Variants in RUVBL1 observed in about 807,000 individuals in gnomAD.
RUVBL1 encodes RuvB like AAA ATPase 1.
In RUVBL1, 4 loss-of-function variants were observed where a neutral mutation model predicts 52.4. The ratio of observed to expected loss-of-function variants is 0.08; its 90% CI spans 0.04 to 0.17. RUVBL1 has a LOEUF of 0.17. RUVBL1 is among the 10% of genes least tolerant of loss of function. The pLI is 1.00. For synonymous variants in RUVBL1, 217 were observed against 214.4 expected (o/e 1.01, Z -0.10); for missense variants, 298 against 572.8 (o/e 0.52, Z 4.90).
Position 128,140,228 on chromosome 3 carries a change from G to GTTTTTTTTT in RUVBL1, c.-40+12974_-40+12975insAAAAAAAAA, listed in dbSNP as rs372296453. Among the ~76,000 whole-genome samples, 4 of 53,448 alleles carry GTTTTTTTTT rather than the reference G, an allele frequency of 7.5e-5. 2 individuals carry two copies. Among genetic ancestry groups the GTTTTTTTTT allele is most frequent in the African/African-American group, 1.8e-4 (4 of 21,634 alleles). The allele number at this position is 53,448 out of a possible 152,430, so 35.1% of individuals were successfully genotyped here. A position where few individuals can be genotyped will look rare whatever the true frequency, so the allele number is the denominator to read the frequency against. On this transcript the variant is annotated intron_variant, in intron 1 of 9. Transcript: ENST00000464873. ...TGATATGATACAAGTTTTTTTGTTT[G>GTTTTTTTTT]TTTGTTTTTTTTTTTTTTGAGACGG...
At chr3:128,129,520 C>CAAT (rs1439378876) in intron 1 of RUVBL1, among the ~76,000 whole-genome samples, 1 of 151,880 alleles carries the variant, frequency 6.6e-6, no homozygotes, top group Non-Finnish European at 1.5e-5. Flanking sequence ...ACAACAACAA[C>CAAT]AACAACAAAA....
At chr3:128,071,582 G>A (rs1227040155) in intron 9 of RUVBL1, 2 of 152,710 alleles carry the variant, frequency 1.3e-5, no homozygotes, top group Admixed American at 1.3e-4. Flanking sequence ...GGGTGGGTGG[G>A]GGCTGACCCC....
intron 1 of RUVBL1, among the ~76,000 whole-genome samples, chr3:128,120,473 G>A (rs1033892309): frequency 3.9e-5 from 6 of 152,032 alleles, no homozygotes; most frequent in Non-Finnish European, 7.4e-5. Flanking sequence ...CCATAAATGG[G>A]CTATGGAACT....
chr3:128,065,161 T>G, exon 10 of RUVBL1: 1 of 1,098,900 alleles, frequency 9.1e-7, no homozygotes, highest in Non-Finnish European at 1.4e-6. Context: ...GATGAGATGG[T>G]ATTTGAAGGC....
chr3:128,107,616 G>A (rs1943276412), intron 3 of RUVBL1, among the ~76,000 whole-genome samples: 1 of 152,176 alleles, frequency 6.6e-6, no homozygotes, highest in Middle Eastern at 3.2e-3. Context: ...TTAAGGAAAA[G>A]TTTTACTCTA....
At chr3:128,120,262 G>A (rs964496389) in intron 1 of RUVBL1, among the ~76,000 whole-genome samples, 2 of 152,190 alleles carry the variant, frequency 1.3e-5, no homozygotes, top group Admixed American at 1.3e-4. Flanking sequence ...ATGACATAGA[G>A]TACTAGCTGG....
chr3:128,122,775 G>A (rs1025408013), intron 1 of RUVBL1, among the ~76,000 whole-genome samples: 2 of 152,190 alleles, frequency 1.3e-5, no homozygotes, highest in African/African-American at 4.8e-5. Context: ...TATCATCATA[G>A]AGCACTGATT....
chr3:128,153,795 C>T (rs1944306111), exon 1 of RUVBL1: 3 of 1,523,978 alleles, frequency 2.0e-6, no homozygotes, highest in African/African-American at 2.9e-5. Context: ...GCCCCGGGCA[C>T]GCCTCCCTCA....
At chr3:128,125,066 G>C (rs900565013), upstream of RUVBL1, among the ~76,000 whole-genome samples, 1 of 146,142 alleles carries the variant, frequency 6.8e-6, no homozygotes, top group Non-Finnish European at 1.5e-5. Context: ...CCAGGCGGGA[G>C]TGCAGTGGCG....
upstream of RUVBL1, among the ~76,000 whole-genome samples, chr3:128,128,708 A>G (rs982264147): frequency 7.2e-5 from 11 of 152,240 alleles, no homozygotes; most frequent in Admixed American, 6.5e-4. Flanking sequence ...CACTGGATGG[A>G]TATGTGCCCA....
At chr3:128,075,479 T>A (rs1426735814) in intron 9 of RUVBL1, among the ~76,000 whole-genome samples, 1 of 152,122 alleles carries the variant, frequency 6.6e-6, no homozygotes, top group Non-Finnish European at 1.5e-5. Context: ...GTATGCACAT[T>A]TTTTTTAATT....
chr3:128,134,144 A>C (rs1030959050), intron 1 of RUVBL1, among the ~76,000 whole-genome samples: 2 of 152,074 alleles, frequency 1.3e-5, no homozygotes, highest in Non-Finnish European at 2.9e-5. Context: ...AGAACTGATC[A>C]AGCAGAAGCA....
At chr3:128,142,410 CTGA>C (rs1290739068) in intron 1 of RUVBL1, among the ~76,000 whole-genome samples, 1 of 152,154 alleles carries the variant, frequency 6.6e-6, no homozygotes, top group Non-Finnish European at 1.5e-5. Flanking sequence ...TTGCAGAGCT[CTGA>C]TGAGGTAGGG....
In RUVBL1 at chr3:128,135,977, T is replaced by TTTTTAATTTTTAATTA. The variant is rs796438799; in HGVS notation, c.-39-16564_-39-16563insTAATTAAAAATTAAAA. The stretch of plus-strand genomic sequence containing the variant: ...AAAAAGCAGGGGGATGAAGTTAAAC[T>TTTTTAATTTTTAATTA]GTAGAATTTTTAATTAGTTTTCTCT... On this transcript the variant is annotated intron_variant, in intron 1 of 9. Coordinates refer to the RUVBL1 transcript ENST00000464873. Among the ~76,000 whole-genome samples the TTTTTAATTTTTAATTA allele has an allele frequency of 1.8e-3, 277 of 152,292 alleles. 1 individual carries two copies. The highest frequency in any genetic ancestry group is 6.2e-3 in the African/African-American group (257 of 41,572).
chr3:128,153,206 GA>G, exon 1 of RUVBL1: 10 of 1,304,404 alleles, frequency 7.7e-6, no homozygotes, highest in Non-Finnish European at 9.7e-6. Context: ...CACTCACCCA[GA>G]AAGTCCAAAT....
At chr3:128,129,353 T>C (rs1166689317) in intron 1 of RUVBL1, among the ~76,000 whole-genome samples, 1 of 152,154 alleles carries the variant, frequency 6.6e-6, no homozygotes, top group Non-Finnish European at 1.5e-5. Flanking sequence ...GAAAATACTT[T>C]GAAATGAATG....
At chr3:128,094,378 GGAAA>G (rs1209214340) in intron 8 of RUVBL1, among the ~76,000 whole-genome samples, 16 of 152,288 alleles carry the variant, frequency 1.1e-4, no homozygotes, top group Admixed American at 3.9e-4. Flanking sequence ...ACACTACCTG[GGAAA>G]GAACACTCCT....
At chr3:128,101,453 C>T in intron 5 of RUVBL1, 106 bp downstream of exon 5, 1 of 1,011,698 alleles carries the variant, frequency 9.9e-7, no homozygotes, top group Non-Finnish European at 1.5e-6. Context: ...ACACCAGCCC[C>T]TCCCCACACA....
intron 8 of RUVBL1, among the ~76,000 whole-genome samples, chr3:128,096,597 C>T (rs547931078): frequency 4.3e-4 from 65 of 152,198 alleles, no homozygotes; most frequent in Admixed American, 2.2e-3. Flanking sequence ...GAGGCTGAGG[C>T]GGGCAGATCA....
Sources: gnomAD v4.1 joint callset for allele counts (sites outside exome capture counted in the v4.1 genomes callset) on GRCh38, gnomAD v4.1.1 for gene constraint, MANE v1.5 for transcripts, NCBI Gene and HGNC (gene_info 2026-07-23, HGNC 2026-07-21) for gene names.